Variants in LINGO2 observed in about 807,000 individuals in gnomAD.
The protein encoded by LINGO2 is leucine rich repeat and Ig domain containing 2.
In LINGO2, 14 loss-of-function variants were observed where a neutral mutation model predicts 30.6. The observed-to-expected ratio is 0.46, with a 90% CI of 0.30 to 0.72. The LOEUF is 0.72. Among genes scored for constraint, LINGO2 ranks in the 30% least tolerant of loss-of-function variants. The pLI is 0.07. For synonymous variants in LINGO2, 317 were observed against 288.5 expected (o/e 1.10, Z -1.00); for missense variants, 729 against 751.7 (o/e 0.97, Z 0.35).
At chr9:28,618,372 C>T (rs1485675638) in intron 1 of LINGO2, among the ~76,000 whole-genome samples, 2 of 152,086 alleles carry the variant, frequency 1.3e-5, no homozygotes, top group African/African-American at 2.4e-5. Flanking sequence ...TCTCTCTCTC[C>T]TTTTCTTTCT....
chr9:29,035,987 G>C, the LINGO2 span, among the ~76,000 whole-genome samples: 1 of 152,002 alleles, frequency 6.6e-6, no homozygotes, highest in Non-Finnish European at 1.5e-5. Context: ...AACAATTTGG[G>C]AAGCAAGATT....
chr9:28,510,036 C>T (rs1367749259), intron 1 of LINGO2, among the ~76,000 whole-genome samples: 1 of 152,240 alleles, frequency 6.6e-6, no homozygotes, highest in Non-Finnish European at 1.5e-5. Context: ...GAACCTTGCT[C>T]TCCGGCAGCT....
At chr9:29,077,843 G>A in the LINGO2 span, among the ~76,000 whole-genome samples, 1 of 151,808 alleles carries the variant, frequency 6.6e-6, no homozygotes, top group East Asian at 1.9e-4. Context: ...TTCTAACCTA[G>A]ATATAAATAT....
the LINGO2 span, among the ~76,000 whole-genome samples, chr9:28,921,547 A>G: frequency 6.6e-6 from 1 of 152,160 alleles, no homozygotes; most frequent in Non-Finnish European, 1.5e-5. Flanking sequence ...ACCTGCTGCA[A>G]TTATCTTGGT....
intron 3 of LINGO2, among the ~76,000 whole-genome samples, chr9:28,303,427 A>C (rs923979470): frequency 6.6e-6 from 1 of 152,088 alleles, no homozygotes; most frequent in African/African-American, 2.4e-5. Context: ...GAGTGACACA[A>C]AGGTTTTTTA....
intron 5 of LINGO2, among the ~76,000 whole-genome samples, chr9:27,965,807 AAATT>A (rs1286106996): frequency 1.3e-5 from 2 of 152,116 alleles, no homozygotes; most frequent in Non-Finnish European, 2.9e-5. Context: ...GGTCTCTTTG[AAATT>A]AATATTACTA....
chr9:28,348,114 C>A (rs982248924), intron 3 of LINGO2, among the ~76,000 whole-genome samples: 1 of 151,974 alleles, frequency 6.6e-6, no homozygotes, highest in Non-Finnish European at 1.5e-5. Flanking sequence ...GAAATATTTT[C>A]ATGACAAAAA....
the LINGO2 span, among the ~76,000 whole-genome samples, chr9:29,007,317 G>T: frequency 6.6e-6 from 1 of 151,992 alleles, no homozygotes; most frequent in African/African-American, 2.4e-5. Context: ...ACATCCAGAT[G>T]TAAACTTTTG....
chr9:28,495,958 G>T (rs746385342), intron 1 of LINGO2, among the ~76,000 whole-genome samples: 1 of 152,228 alleles, frequency 6.6e-6, no homozygotes, highest in East Asian at 1.9e-4. Context: ...TTTCCATGTA[G>T]TTGAGTGGTT....
the LINGO2 span, among the ~76,000 whole-genome samples, chr9:28,811,378 C>A: frequency 1.3e-5 from 2 of 152,216 alleles, no homozygotes; most frequent in East Asian, 3.9e-4. Flanking sequence ...TTGACTCCAT[C>A]CATCTCTATG....
At chr9:28,580,177 G>C (rs370891386) in intron 1 of LINGO2, among the ~76,000 whole-genome samples, 1 of 152,022 alleles carries the variant, frequency 6.6e-6, no homozygotes, top group Non-Finnish European at 1.5e-5. Context: ...TGGGTCTTGG[G>C]CTAGGCTAGG....
rs80228818 is a variant in LINGO2, at chr9:28,491,775, T to A, written c.-364-15750A>T. 5.4e-3 allele frequency among the ~76,000 whole-genome samples: 819 copies of A among 152,236 alleles called. 34 individuals are homozygous for A. In the East Asian group the frequency reaches 0.092, roughly 17 times the overall value. ...TATTTAGGCAGTTTATAAAACAGGC[T>A]CCAATAGTAAAATAAATAAAATTGA... On this transcript the variant is annotated intron_variant, in intron 1 of 5. Coordinates refer to ENST00000379992, the Ensembl canonical transcript of LINGO2.
chr9:28,579,659 C>G (rs575385566), intron 1 of LINGO2, among the ~76,000 whole-genome samples: 2 of 152,004 alleles, frequency 1.3e-5, no homozygotes, highest in African/African-American at 4.8e-5. Flanking sequence ...TAAGGGCTGC[C>G]AAACTGAGAG....
At chr9:28,308,073 AAAACTACTT>A (rs1439933271) in intron 3 of LINGO2, among the ~76,000 whole-genome samples, 2 of 147,442 alleles carry the variant, frequency 1.4e-5, no homozygotes, top group African/African-American at 4.9e-5. Flanking sequence ...AGAATTGGAA[AAAACTACTT>A]TAAAGTTCAT....
chr9:28,977,488 C>A, the LINGO2 span, among the ~76,000 whole-genome samples: 1 of 151,884 alleles, frequency 6.6e-6, no homozygotes, highest in Non-Finnish European at 1.5e-5. Context: ...AAATATTTTT[C>A]TTTAATTTTA....
At chr9:27,997,521 CAT>C (rs990179285) in intron 5 of LINGO2, among the ~76,000 whole-genome samples, 21 of 150,556 alleles carry the variant, frequency 1.4e-4, no homozygotes, top group African/African-American at 2.0e-4. Context: ...CTGCCTATAA[CAT>C]ATTTTTTCTA....
chr9:28,551,379 CAT>C (rs1487851483), intron 1 of LINGO2, among the ~76,000 whole-genome samples: 2 of 151,558 alleles, frequency 1.3e-5, no homozygotes, highest in Admixed American at 6.6e-5. Context: ...TTATTACCTA[CAT>C]ATATATACGT....
chr9:29,124,918 C>A, the LINGO2 span, among the ~76,000 whole-genome samples: 2 of 152,090 alleles, frequency 1.3e-5, no homozygotes, highest in Admixed American at 6.6e-5. Flanking sequence ...TGGGTATATA[C>A]CCAAATGATT....
At chr9:28,281,567 C>A (rs1426978363) in intron 4 of LINGO2, among the ~76,000 whole-genome samples, 2 of 151,898 alleles carry the variant, frequency 1.3e-5, no homozygotes, top group Non-Finnish European at 2.9e-5. Flanking sequence ...CTACCATTTG[C>A]CAGTCACTGT....
Sources: gnomAD v4.1 joint callset for allele counts (sites outside exome capture counted in the v4.1 genomes callset) on GRCh38, gnomAD v4.1.1 for gene constraint, MANE v1.5 for transcripts, NCBI Gene and HGNC (gene_info 2026-07-23, HGNC 2026-07-21) for gene names.